The following MAML2 variants were observed in gnomAD, a reference collection of about 807,000 sequenced individuals.
The protein encoded by MAML2 is mastermind-like protein 2.
Under a neutral mutation model 96.1 loss-of-function variants are expected in MAML2, and 22 were observed. The ratio of observed to expected loss-of-function variants is 0.23; its 90% CI spans 0.16 to 0.33. The LOEUF is 0.33. MAML2 is among the 10% of genes least tolerant of loss of function. MAML2 has a pLI of 1.00. For missense variants in MAML2, 1,367 were observed against 1,392.4 expected (o/e 0.98, Z 0.29); for synonymous variants, 561 against 521.3 (o/e 1.08, Z -1.04).
intron 1 of MAML2, among the ~76,000 whole-genome samples, chr11:96,331,464 A>G (rs967516941): frequency 6.6e-6 from 1 of 152,068 alleles, no homozygotes; most frequent in Admixed American, 6.5e-5. Flanking sequence ...TCCAAGATCT[A>G]TTGCTATGGG....
At chr11:96,024,870 T>C (rs1858492065) in intron 2 of MAML2, among the ~76,000 whole-genome samples, 1 of 152,214 alleles carries the variant, frequency 6.6e-6, no homozygotes, top group South Asian at 2.1e-4. Context: ...CCACCTTGCC[T>C]GTGTCAAACT....
chr11:96,327,066 G>T (rs566298268), intron 1 of MAML2, among the ~76,000 whole-genome samples: 1 of 152,228 alleles, frequency 6.6e-6, no homozygotes, highest in East Asian at 1.9e-4. Flanking sequence ...AACATGATGG[G>T]AGATTTCGCG....
At chr11:96,196,965 C>T (rs1445245786) in intron 1 of MAML2, among the ~76,000 whole-genome samples, 1 of 148,906 alleles carries the variant, frequency 6.7e-6, no homozygotes, top group African/African-American at 2.5e-5. Context: ...ATATTTGAGG[C>T]CTTTTCTATA....
intron 1 of MAML2, among the ~76,000 whole-genome samples, chr11:96,332,070 C>G (rs1446760501): frequency 1.3e-5 from 2 of 152,204 alleles, no homozygotes; most frequent in African/African-American, 4.8e-5. Flanking sequence ...GCAATCAGAA[C>G]TCCTTCCCAT....
chr11:96,206,083 T>C (rs1037795172), intron 1 of MAML2, among the ~76,000 whole-genome samples: 1 of 152,204 alleles, frequency 6.6e-6, no homozygotes, highest in Non-Finnish European at 1.5e-5. Context: ...CTTTTTTTTT[T>C]TTAATTATTG....
At chr11:95,990,846 C>A (rs1206262684) in intron 3 of MAML2, among the ~76,000 whole-genome samples, 1 of 151,964 alleles carries the variant, frequency 6.6e-6, no homozygotes, top group Non-Finnish European at 1.5e-5. Context: ...GCAATGAAAC[C>A]AGGGCTGAGC....
intron 1 of MAML2, among the ~76,000 whole-genome samples, chr11:96,200,510 A>G (rs529259185): frequency 6.6e-6 from 1 of 152,336 alleles, no homozygotes; most frequent in Non-Finnish European, 1.5e-5. Flanking sequence ...AACAAGCACA[A>G]AAGTTCCCAC....
intron 2 of MAML2, among the ~76,000 whole-genome samples, chr11:96,025,291 T>C (rs1355637300): frequency 2.6e-5 from 4 of 152,096 alleles, no homozygotes. Flanking sequence ...AGTGAATTAA[T>C]GCAGGAACAG....
intron 1 of MAML2, among the ~76,000 whole-genome samples, chr11:96,235,623 A>G (rs1264532050): frequency 3.3e-5 from 5 of 152,198 alleles, no homozygotes; most frequent in African/African-American, 9.7e-5. Flanking sequence ...GTGATCATCT[A>G]TTCCTTATTA....
chr11:96,096,032 A>G (rs1195882528), intron 1 of MAML2, among the ~76,000 whole-genome samples: 5 of 152,240 alleles, frequency 3.3e-5, no homozygotes, highest in Non-Finnish European at 2.9e-5. Flanking sequence ...GGAAGAACAC[A>G]GACCAGAGAG....
chr11:96,159,748 C>CG (rs2135887499), intron 1 of MAML2, among the ~76,000 whole-genome samples: 1 of 152,234 alleles, frequency 6.6e-6, no homozygotes, highest in East Asian at 1.9e-4. Context: ...TTAAACTTCA[C>CG]GGAGAATCTG....
At chr11:95,999,277 T>C (rs1858044314) in intron 2 of MAML2, among the ~76,000 whole-genome samples, 5 of 152,154 alleles carry the variant, frequency 3.3e-5, no homozygotes. Context: ...AGTGTCTCTG[T>C]AAATCATGGT....
intron 1 of MAML2, among the ~76,000 whole-genome samples, chr11:96,292,444 A>G (rs1205193550): frequency 6.6e-6 from 1 of 152,196 alleles, no homozygotes; most frequent in Non-Finnish European, 1.5e-5. Context: ...CACCAATCCT[A>G]TGGAGTGTAT....
chr11:96,306,666 A>C (rs1286765211), intron 1 of MAML2, among the ~76,000 whole-genome samples: 1 of 152,218 alleles, frequency 6.6e-6, no homozygotes, highest in African/African-American at 2.4e-5. Flanking sequence ...CTAAATTGAA[A>C]AGAAACCTTC....
chr11:96,064,089 A>T (rs149772127), intron 2 of MAML2, among the ~76,000 whole-genome samples: 75 of 152,338 alleles, frequency 4.9e-4, no homozygotes, highest in Admixed American at 9.2e-4. Flanking sequence ...CTGAAGATAC[A>T]TGATTCAGTG....
At position 96,093,052 on chromosome 11, in the gene MAML2, C is replaced by A; in HGVS notation, c.979G>T (p.Glu327Ter). The change falls in exon 2 of 5, where the codon GAG becomes TAG. Residue 327 changes from glutamate (E) to a stop codon, truncating the protein, a stop_gained. Transcript: ENST00000524717. LOFTEE classifies it high-confidence loss of function. ...TTTATGGTGGCATTGATCATGTTCT[C>A]CAGTTCAAGGTCACTCATGGGAGGC... Reference protein sequence around the residue: ...SVPPMSDLELENMINATIKQD... With the variant: ...SVPPMSDLEL 1 of 1,613,990 alleles carries A rather than the reference C, an allele frequency of 6.2e-7. No homozygotes were observed. Among genetic ancestry groups the A allele is most frequent in the Non-Finnish European group, 8.5e-7 (1 of 1,179,892 alleles).
intron 1 of MAML2, among the ~76,000 whole-genome samples, chr11:96,175,972 T>G (rs1179381445): frequency 6.6e-6 from 1 of 152,144 alleles, no homozygotes; most frequent in Non-Finnish European, 1.5e-5. Context: ...ACATAACACA[T>G]TGGAGAATAG....
intron 1 of MAML2, among the ~76,000 whole-genome samples, chr11:96,294,066 C>G (rs1469153996): frequency 6.6e-6 from 1 of 152,138 alleles, no homozygotes; most frequent in African/African-American, 2.4e-5. Context: ...TTATTTTCAG[C>G]ATTAGTTAGG....
At chr11:96,291,987 T>C (rs895466332) in intron 1 of MAML2, among the ~76,000 whole-genome samples, 3 of 152,202 alleles carry the variant, frequency 2.0e-5, no homozygotes, top group Non-Finnish European at 4.4e-5. Flanking sequence ...CAATCATATA[T>C]TAGGAATCAT....
Sources: gnomAD v4.1 joint callset for allele counts (sites outside exome capture counted in the v4.1 genomes callset) on GRCh38, gnomAD v4.1.1 for gene constraint, MANE v1.5 for transcripts, NCBI Gene and HGNC (gene_info 2026-07-23, HGNC 2026-07-21) for gene names.